The following CYTH3 variants were observed in gnomAD, a reference collection of about 807,000 sequenced individuals.
CYTH3 encodes the protein cytohesin-3.
Under a neutral mutation model 55.1 loss-of-function variants are expected in CYTH3, and 23 were observed. The ratio of observed to expected loss-of-function variants is 0.42; its 90% CI spans 0.30 to 0.59. The LOEUF (loss-of-function observed/expected upper bound fraction) is 0.59. CYTH3 is among the 20% of genes least tolerant of loss of function. CYTH3 has a pLI of 0.20. For synonymous variants in CYTH3, 249 were observed against 194.9 expected, an observed-to-expected ratio of 1.28 and a Z score of -2.31; for missense variants, 413 against 524.8, an observed-to-expected ratio of 0.79 and a Z score of 2.08.
At chr7:6,268,572 C>T (rs965856312) in intron 1 of CYTH3, among the ~76,000 whole-genome samples, 11 of 152,326 alleles carry the variant, frequency 7.2e-5, no homozygotes, top group Admixed American at 5.9e-4. Context: ...ACCATCTGGG[C>T]ATGGATTTAT....
chr7:6,232,700 C>T (rs1274223026), intron 1 of CYTH3, among the ~76,000 whole-genome samples: 4 of 151,836 alleles, frequency 2.6e-5, no homozygotes, highest in African/African-American at 9.7e-5. Flanking sequence ...ACTGTGTGGT[C>T]TCGGCTGCGG....
chr7:6,190,145 T>C (rs1458766213), intron 2 of CYTH3, among the ~76,000 whole-genome samples: 1 of 152,222 alleles, frequency 6.6e-6, no homozygotes, highest in Non-Finnish European at 1.5e-5. Context: ...CTGCTTTAGA[T>C]GATACGCTGC....
chr7:6,179,658 ACACACCCCACACACACACCACACACACCC>A (rs1562881324), intron 4 of CYTH3, among the ~76,000 whole-genome samples: 2 of 85,030 alleles, frequency 2.4e-5, no homozygotes, highest in African/African-American at 1.0e-4. Context: ...CACACCCCAC[ACACACCCCACACACACACCACACACACCC>A]CCCCACACAC....
At chr7:6,271,499 G>A (rs1188043661) in intron 1 of CYTH3, among the ~76,000 whole-genome samples, 1 of 150,358 alleles carries the variant, frequency 6.7e-6, no homozygotes, top group Non-Finnish European at 1.5e-5. Context: ...AAAAAAAAAA[G>A]TCTAGAGAAC....
intron 1 of CYTH3, among the ~76,000 whole-genome samples, chr7:6,208,762 A>G (rs1291644580): frequency 6.6e-6 from 1 of 152,130 alleles, no homozygotes; most frequent in Non-Finnish European, 1.5e-5. Context: ...GCTGGTCTGA[A>G]GCGATCCTCC....
chr7:6,174,036 G>A (rs1783269426), intron 5 of CYTH3, among the ~76,000 whole-genome samples: 1 of 151,600 alleles, frequency 6.6e-6, no homozygotes, highest in East Asian at 2.0e-4. Context: ...ACCTAAGAGT[G>A]GAATTACTGG....
chr7:6,202,348 G>A (rs189789828), intron 1 of CYTH3, among the ~76,000 whole-genome samples: 320 of 152,302 alleles, frequency 2.1e-3, no homozygotes, highest in Non-Finnish European at 3.4e-3. Context: ...CTCAGCCCCC[G>A]GCTGGCCTTC....
At chr7:6,193,747 A>G (rs1231384636) in intron 1 of CYTH3, among the ~76,000 whole-genome samples, 2 of 152,172 alleles carry the variant, frequency 1.3e-5, no homozygotes, top group African/African-American at 4.8e-5. Flanking sequence ...CACGCCACGG[A>G]AGACTGCTTA....
chr7:6,225,914 G>C (rs895700866), intron 1 of CYTH3, among the ~76,000 whole-genome samples: 1 of 151,942 alleles, frequency 6.6e-6, no homozygotes, highest in Non-Finnish European at 1.5e-5. Flanking sequence ...TCCTGACCTT[G>C]GGAGCTCAAG....
intron 1 of CYTH3, among the ~76,000 whole-genome samples, chr7:6,192,235 G>A (rs1783818342): frequency 6.6e-6 from 1 of 152,106 alleles, no homozygotes; most frequent in Non-Finnish European, 1.5e-5. Flanking sequence ...TTTTTGTAGA[G>A]ACAGGATCTC....
intron 1 of CYTH3, among the ~76,000 whole-genome samples, chr7:6,204,035 A>G (rs1043211475): frequency 1.1e-4 from 17 of 151,408 alleles, no homozygotes; most frequent in African/African-American, 4.1e-4. Flanking sequence ...CACTTTTTAT[A>G]TATGTTCACA....
intron 1 of CYTH3, among the ~76,000 whole-genome samples, chr7:6,269,973 T>C (rs1008746812): frequency 5.9e-5 from 9 of 152,210 alleles, no homozygotes; most frequent in African/African-American, 2.2e-4. Context: ...CTCCCCCAGA[T>C]ACAGTTCAAC....
intron 1 of CYTH3, among the ~76,000 whole-genome samples, chr7:6,193,510 C>A (rs1350146009): frequency 3.3e-5 from 5 of 152,152 alleles, no homozygotes; most frequent in African/African-American, 1.2e-4. Flanking sequence ...AGCTTGAAGC[C>A]AAACTGGACT....
At chr7:6,210,015 G>A (rs1431475516) in intron 1 of CYTH3, among the ~76,000 whole-genome samples, 1 of 152,152 alleles carries the variant, frequency 6.6e-6, no homozygotes, top group African/African-American at 2.4e-5. Context: ...AAACTCTTCT[G>A]TATGATACGG....
Position 6,190,916 on chromosome 7 carries a change from A to C in CYTH3, c.35-385T>G, listed in dbSNP as rs1783787102. 2.6e-5 allele frequency among the ~76,000 whole-genome samples: 4 copies of C among 151,918 alleles called. No individual in the cohort carries two copies. The South Asian group carries it at 8.3e-4, about 32-fold the overall frequency. On this transcript the variant is annotated intron_variant, in intron 1 of 12. Coordinates refer to ENST00000350796, the MANE Select transcript of CYTH3 (RefSeq NM_004227.4). The stretch of plus-strand genomic sequence containing the variant: ...ACACGGTGAAACCCCATCTCTATTA[A>C]AAATACAAAAATCAGCTGGGTGTGG...
At chr7:6,244,948 C>A (rs1336559608) in intron 1 of CYTH3, among the ~76,000 whole-genome samples, 2 of 132,600 alleles carry the variant, frequency 1.5e-5, no homozygotes, top group Admixed American at 7.6e-5. Context: ...GCCACCACGC[C>A]CGGCTAATTT....
At chr7:6,189,184 T>C (rs1783734944) in intron 2 of CYTH3, among the ~76,000 whole-genome samples, 1 of 152,194 alleles carries the variant, frequency 6.6e-6, no homozygotes, top group Non-Finnish European at 1.5e-5. Context: ...TCACAGGCTC[T>C]CCCACGCCGA....
At chr7:6,243,910 T>C (rs1003315474) in intron 1 of CYTH3, among the ~76,000 whole-genome samples, 1 of 152,262 alleles carries the variant, frequency 6.6e-6, no homozygotes, top group African/African-American at 2.4e-5. Flanking sequence ...GATTTCATTG[T>C]CATTGTTGTC....
At position 6,167,287 on chromosome 7, in the gene CYTH3, G is replaced by A. The variant is rs1783038144; in HGVS notation, c.824-1477C>T. Among the ~76,000 whole-genome samples, 1 of 152,196 alleles carries A rather than the reference G, an allele frequency of 6.6e-6. No homozygotes were observed. The highest frequency in any genetic ancestry group is 2.4e-5 in the African/African-American group (1 of 41,448). On this transcript the variant is annotated intron_variant, in intron 9 of 12. Transcript: ENST00000350796. The surrounding 1 kb of genome is among the most constrained non-coding windows in gnomAD (Gnocchi z 5.5). ...CAGGGGAGGGCAGGAGACCCTGGGG[G>A]CAACCTGCCTTGTCCCACAGTCCTC...
Sources: gnomAD v4.1 joint callset for allele counts (sites outside exome capture counted in the v4.1 genomes callset) on GRCh38, gnomAD v4.1.1 for gene constraint, Gnocchi (gnomAD v3.1) non-coding constraint, MANE v1.5 for transcripts, NCBI Gene and HGNC (gene_info 2026-07-23, HGNC 2026-07-21) for gene names.